ADCY2: variants seen among roughly 807,000 people sequenced by gnomAD.
ADCY2 encodes the protein adenylate cyclase type 2.
Under a neutral mutation model 125.2 loss-of-function variants are expected in ADCY2, and 31 were observed. That is an observed-to-expected ratio of 0.25 (90% CI 0.19 to 0.33). ADCY2 has a LOEUF of 0.33. Among genes scored for constraint, ADCY2 ranks in the 10% least tolerant of loss-of-function variants. The pLI is 1.00. For missense variants in ADCY2, 904 were observed against 1,418.2 expected (o/e 0.64, Z 5.82); for synonymous variants, 512 against 548.4 (o/e 0.93, Z 0.93).
At chr5:7,736,934 G>C (rs1403193043) in intron 14 of ADCY2, among the ~76,000 whole-genome samples, 1 of 151,996 alleles carries the variant, frequency 6.6e-6, no homozygotes, top group Non-Finnish European at 1.5e-5. Context: ...AAAAAAATTA[G>C]AGTATGGCAT....
At chr5:7,621,029 G>C (rs1346445729) in intron 3 of ADCY2, among the ~76,000 whole-genome samples, 9 of 152,202 alleles carry the variant, frequency 5.9e-5, no homozygotes, top group Non-Finnish European at 1.3e-4. Context: ...ATGAGGTTAA[G>C]AATTAGAATA....
At chr5:7,629,436 G>T (rs919554648) in intron 4 of ADCY2, among the ~76,000 whole-genome samples, 1 of 152,178 alleles carries the variant, frequency 6.6e-6, no homozygotes, top group East Asian at 1.9e-4. Flanking sequence ...TCAGATGCAA[G>T]TGAGATGAAT....
chr5:7,500,583 G>A (rs1052527201), intron 2 of ADCY2, among the ~76,000 whole-genome samples: 94 of 152,182 alleles, frequency 6.2e-4, no homozygotes, highest in Non-Finnish European at 9.3e-4. Context: ...GTAAAATCAG[G>A]AGAAAAAACA....
At position 7,802,165 on chromosome 5, in the gene ADCY2, T is replaced by G. The variant is rs1272912811; in HGVS notation, c.2629-53T>G. The G allele has an allele frequency of 3.8e-6, 6 of 1,588,176 alleles. No homozygotes were observed. The highest frequency in any genetic ancestry group is 5.1e-6 in the Non-Finnish European group (6 of 1,167,184). Reference sequence around the variant, plus strand: ...ACAAGCCACTTGCCTGTGGAGTGTTTCTGTTTAAAGGTCAGTCTCCTAGTG... The same window carrying G: ...ACAAGCCACTTGCCTGTGGAGTGTTGCTGTTTAAAGGTCAGTCTCCTAGTG... On this transcript the variant is annotated intron_variant, in intron 20 of 24. Transcript: ENST00000338316. The surrounding 1 kb of genome is among the most constrained non-coding windows in gnomAD (Gnocchi z 4.6).
intron 2 of ADCY2, among the ~76,000 whole-genome samples, chr5:7,477,904 G>T (rs557422219): frequency 6.6e-6 from 1 of 152,086 alleles, no homozygotes; most frequent in Non-Finnish European, 1.5e-5. Flanking sequence ...TACCCTGGTG[G>T]CAGTAATTAC....
At chr5:7,400,915 T>A (rs1032126292) in intron 1 of ADCY2, among the ~76,000 whole-genome samples, 4 of 152,176 alleles carry the variant, frequency 2.6e-5, no homozygotes, top group African/African-American at 9.6e-5. Context: ...CTAGAAAGGA[T>A]TTGGAAGCAT....
intron 2 of ADCY2, among the ~76,000 whole-genome samples, chr5:7,416,906 G>A (rs931685781): frequency 6.6e-6 from 1 of 152,056 alleles, no homozygotes; most frequent in South Asian, 2.1e-4. Context: ...TTAGTGTCTG[G>A]GAGGCCAAGT....
In ADCY2 at chr5:7,709,575, G is replaced by A. The variant is rs1406032380; in HGVS notation, c.1578+188G>A. ...GTGAGCTCCATGCTGACATTGCTAA[G>A]GGTTCCACCCTAGCGTGATTTTGCA... On this transcript the variant is annotated intron_variant, in intron 10 of 24. Transcript: ENST00000338316. The surrounding 1 kb of genome is among the most constrained non-coding windows in gnomAD (Gnocchi z 4.4). Among the ~76,000 whole-genome samples, 1 of 152,178 alleles carries A rather than the reference G, an allele frequency of 6.6e-6. No homozygotes were observed. The highest frequency in any genetic ancestry group is 1.5e-5 in the Non-Finnish European group (1 of 68,030).
chr5:7,550,695 A>G (rs752253385), intron 3 of ADCY2, among the ~76,000 whole-genome samples: 2 of 151,960 alleles, frequency 1.3e-5, no homozygotes, highest in Non-Finnish European at 2.9e-5. Flanking sequence ...CACTCCCTGC[A>G]TTACACCTTG....
At chr5:7,428,141 A>G (rs1740455112) in intron 2 of ADCY2, among the ~76,000 whole-genome samples, 1 of 152,172 alleles carries the variant, frequency 6.6e-6, no homozygotes. Flanking sequence ...TTCAGGTTTT[A>G]GGTTTGAACT....
intron 3 of ADCY2, among the ~76,000 whole-genome samples, chr5:7,584,222 A>T (rs999927450): frequency 5.3e-5 from 8 of 152,128 alleles, no homozygotes; most frequent in Non-Finnish European, 8.8e-5. Context: ...TAGTCCTAAA[A>T]GACACAATCC....
intron 2 of ADCY2, among the ~76,000 whole-genome samples, chr5:7,422,162 C>A (rs1740228350): frequency 1.3e-5 from 2 of 152,012 alleles, no homozygotes; most frequent in Non-Finnish European, 2.9e-5. Context: ...ACTTTGTAAA[C>A]CCTAAGCTTT....
intron 4 of ADCY2, among the ~76,000 whole-genome samples, chr5:7,686,667 C>T (rs1740531916): frequency 6.6e-6 from 1 of 152,188 alleles, no homozygotes. Flanking sequence ...CTAAGTTATA[C>T]CCAGTATATT....
Position 7,527,821 on chromosome 5 carries a change from G to A in ADCY2, c.570+6922G>A, listed in dbSNP as rs185885835. On this transcript the variant is annotated intron_variant, in intron 3 of 24. Coordinates refer to ENST00000338316, the MANE Select transcript of ADCY2 (RefSeq NM_020546.3). The stretch of plus-strand genomic sequence containing the variant: ...TCTTTTTAAGTATAATTCAGAAAGT[G>A]TATATTGGAGTCTGGAATTAAATTG... 7.2e-5 allele frequency among the ~76,000 whole-genome samples: 11 copies of A among 152,306 alleles called. No homozygotes were observed. The East Asian group carries it at 2.1e-3, about 29-fold the overall frequency.
At position 7,626,159 on chromosome 5, in the gene ADCY2, C is replaced by G; in HGVS notation, c.571-8C>G. 1.9e-6 allele frequency: 3 copies of G among 1,607,940 alleles called. No individual in the cohort carries two copies. The highest frequency in any genetic ancestry group is 2.5e-6 in the Non-Finnish European group (3 of 1,178,270). ...TACCCTATTGAGCAGCTCTTTCTGT[C>G]TCTTTAGATCCTGGCCAATGTGATC... On this transcript the variant is annotated splice_polypyrimidine_tract_variant and splice_region_variant and intron_variant, in intron 3 of 24. Coordinates refer to ENST00000338316, the MANE Select transcript of ADCY2 (RefSeq NM_020546.3).
At chr5:7,524,565 G>A (rs945109704) in intron 3 of ADCY2, among the ~76,000 whole-genome samples, 1 of 152,166 alleles carries the variant, frequency 6.6e-6, no homozygotes, top group Non-Finnish European at 1.5e-5. Context: ...ATCTTCTACA[G>A]GATGGAACAA....
chr5:7,624,662 G>T (rs1395986424), intron 3 of ADCY2, among the ~76,000 whole-genome samples: 1 of 152,220 alleles, frequency 6.6e-6, no homozygotes, highest in African/African-American at 2.4e-5. Flanking sequence ...TCTCTGTTCA[G>T]TCCTGTCACA....
At chr5:7,629,023 G>A (rs1021045224) in intron 4 of ADCY2, among the ~76,000 whole-genome samples, 2 of 152,120 alleles carry the variant, frequency 1.3e-5, no homozygotes, top group African/African-American at 2.4e-5. Flanking sequence ...ACCACCTTTC[G>A]CTTCATCCAC....
At chr5:7,690,540 C>G (rs1329550794) in intron 4 of ADCY2, 151 bp from the exon 5 acceptor site, 9 of 537,120 alleles carry the variant, frequency 1.7e-5, no homozygotes, top group African/African-American at 3.9e-5. Flanking sequence ...TCTTTTTATT[C>G]CCAATATATA....
Sources: gnomAD v4.1 joint callset for allele counts (sites outside exome capture counted in the v4.1 genomes callset) on GRCh38, gnomAD v4.1.1 for gene constraint, Gnocchi (gnomAD v3.1) non-coding constraint, MANE v1.5 for transcripts, NCBI Gene and HGNC (gene_info 2026-07-23, HGNC 2026-07-21) for gene names.